DAB1: variants seen among roughly 807,000 people sequenced by gnomAD.
DAB1 encodes disabled homolog 1.
A neutral mutation model predicts 64.6 loss-of-function variants in DAB1; 15 were observed. That is an observed-to-expected ratio of 0.23 (90% CI 0.16 to 0.36). The LOEUF (loss-of-function observed/expected upper bound fraction) is 0.36, where lower values mean the gene tolerates loss of function less well. Ranked by LOEUF, DAB1 falls within the 10% of genes least tolerant of loss-of-function variation. The pLI is 1.00. For synonymous variants in DAB1, 235 were observed against 251.9 expected (o/e 0.93, Z 0.64); for missense variants, 596 against 706.7 (o/e 0.84, Z 1.78).
intron 7 of DAB1, among the ~76,000 whole-genome samples, chr1:57,635,962 T>G (rs1037814256): frequency 6.6e-6 from 1 of 151,770 alleles, no homozygotes; most frequent in Non-Finnish European, 1.5e-5. Flanking sequence ...CCAGGCGCGG[T>G]GGCGGGCGCC....
intron 4 of DAB1, among the ~76,000 whole-genome samples, chr1:57,098,975 G>A (rs982670073): frequency 3.2e-4 from 49 of 152,170 alleles, no homozygotes; most frequent in South Asian, 4.1e-4. Flanking sequence ...CTGCTTACCC[G>A]CATGGACTGG....
intron 7 of DAB1, among the ~76,000 whole-genome samples, chr1:57,448,345 G>A (rs1686226471): frequency 6.6e-6 from 1 of 152,084 alleles, no homozygotes; most frequent in Admixed American, 6.6e-5. Flanking sequence ...ATTCATCTCT[G>A]TCCTTTGTGA....
At chr1:58,379,555 T>A (rs911205668) in intron 3 of DAB1, among the ~76,000 whole-genome samples, 3 of 152,220 alleles carry the variant, frequency 2.0e-5, no homozygotes, top group African/African-American at 7.2e-5. Context: ...TAACTACCTA[T>A]TATGACAAAT....
intron 2 of DAB1, among the ~76,000 whole-genome samples, chr1:57,149,898 T>A (rs111875310): frequency 5.1e-4 from 78 of 152,288 alleles, no homozygotes; most frequent in African/African-American, 1.9e-3. Context: ...ATGCCTTATG[T>A]CATTTAATCT....
intron 5 of DAB1, among the ~76,000 whole-genome samples, chr1:58,132,562 C>T (rs1017944985): frequency 2.6e-5 from 4 of 152,126 alleles, no homozygotes; most frequent in African/African-American, 7.2e-5. Flanking sequence ...TCTGAGGATC[C>T]GCCTGCAGTC....
intron 2 of DAB1, among the ~76,000 whole-genome samples, chr1:58,516,752 T>C (rs535173070): frequency 2.0e-5 from 3 of 152,246 alleles, no homozygotes; most frequent in Admixed American, 1.3e-4. Flanking sequence ...AATAGAACCA[T>C]CTCTCAGAAA....
intron 5 of DAB1, among the ~76,000 whole-genome samples, chr1:58,025,956 A>C (rs1214789997): frequency 2.0e-5 from 3 of 151,942 alleles, no homozygotes; most frequent in Non-Finnish European, 4.4e-5. Flanking sequence ...CTCCACCTGG[A>C]GGGCCATGTC....
At chr1:58,026,163 G>T (rs1646892264) in intron 5 of DAB1, among the ~76,000 whole-genome samples, 1 of 152,142 alleles carries the variant, frequency 6.6e-6, no homozygotes, top group Non-Finnish European at 1.5e-5. Context: ...ACAAAGTAAG[G>T]TTCATACGCA....
intron 6 of DAB1, among the ~76,000 whole-genome samples, chr1:57,673,382 C>T (rs780643431): frequency 6.6e-6 from 1 of 152,038 alleles, no homozygotes; most frequent in Non-Finnish European, 1.5e-5. Flanking sequence ...CTTAAGTAAT[C>T]ACCATCACCA....
At chr1:57,229,464 G>T (rs1378689826) in intron 2 of DAB1, among the ~76,000 whole-genome samples, 1 of 151,500 alleles carries the variant, frequency 6.6e-6, no homozygotes, top group African/African-American at 2.4e-5. Context: ...CAAAAGGCTG[G>T]GATTACAGAC....
intron 1 of DAB1, among the ~76,000 whole-genome samples, chr1:57,388,048 G>C (rs369474819): frequency 6.6e-6 from 1 of 152,134 alleles, no homozygotes; most frequent in South Asian, 2.1e-4. Flanking sequence ...GCACTTTGGT[G>C]AACTGCTGGA....
intron 3 of DAB1, among the ~76,000 whole-genome samples, chr1:58,497,798 C>T (rs1224585292): frequency 2.0e-5 from 3 of 152,114 alleles, no homozygotes; most frequent in Non-Finnish European, 4.4e-5. Flanking sequence ...TTTTCCTGAC[C>T]ACCTCTCTAC....
intron 5 of DAB1, among the ~76,000 whole-genome samples, chr1:58,010,135 T>A (rs1468678909): frequency 2.0e-5 from 3 of 152,150 alleles, no homozygotes; most frequent in African/African-American, 7.2e-5. Context: ...TCAGAATGTG[T>A]GAACAGGCCT....
intron 7 of DAB1, among the ~76,000 whole-genome samples, chr1:57,434,538 T>A (rs1293968078): frequency 6.6e-6 from 1 of 152,238 alleles, no homozygotes; most frequent in Non-Finnish European, 1.5e-5. Flanking sequence ...AATAAACATA[T>A]CTTTAATGTA....
chr1:57,839,982 T>G (rs568284017), intron 1 of DAB1, among the ~76,000 whole-genome samples: 1 of 152,324 alleles, frequency 6.6e-6, no homozygotes, highest in Middle Eastern at 3.4e-3. Flanking sequence ...GAGCCTTCCA[T>G]GTGACAAGAC....
At chr1:58,484,512 A>C (rs1349766680) in intron 3 of DAB1, among the ~76,000 whole-genome samples, 1 of 152,232 alleles carries the variant, frequency 6.6e-6, no homozygotes, top group East Asian at 1.9e-4. Flanking sequence ...AGATAATTAC[A>C]TAATTTCAAA....
chr1:58,495,381 G>T (rs1316590318), intron 3 of DAB1, among the ~76,000 whole-genome samples: 1 of 152,046 alleles, frequency 6.6e-6, no homozygotes, highest in Admixed American at 6.6e-5. Flanking sequence ...TAACACACCT[G>T]CATGTTGTGC....
intron 5 of DAB1, among the ~76,000 whole-genome samples, chr1:57,898,443 C>T (rs1644423836): frequency 6.6e-6 from 1 of 152,134 alleles, no homozygotes; most frequent in African/African-American, 2.4e-5. Context: ...TGCTAGTCAA[C>T]ATTTTTAGTT....
At chr1:57,357,127 T>G (rs1223890911) in intron 1 of DAB1, among the ~76,000 whole-genome samples, 1 of 152,112 alleles carries the variant, frequency 6.6e-6, no homozygotes, top group Admixed American at 6.6e-5. Flanking sequence ...TAGCACATAA[T>G]AGGTGTCCAA....
Sources: allele counts gnomAD v4.1 joint callset (sites outside exome capture counted in the v4.1 genomes callset), GRCh38; gene constraint gnomAD v4.1.1; transcripts MANE v1.5; gene names NCBI Gene and HGNC (gene_info 2026-07-23, HGNC 2026-07-21).